IQSEC1: variants seen among roughly 807,000 people sequenced by gnomAD.
IQSEC1 encodes the protein IQ motif and SEC7 domain-containing protein 1.
IQSEC1 carries 31 observed loss-of-function variants against 91.0 expected under a neutral mutation model. The ratio of observed to expected loss-of-function variants is 0.34; its 90% CI spans 0.26 to 0.46. IQSEC1 has a LOEUF of 0.46. IQSEC1 is among the 20% of genes least tolerant of loss of function. IQSEC1 has a pLI of 1.00. For missense variants in IQSEC1, 1,388 were observed against 1,575.6 expected, an observed-to-expected ratio of 0.88 and a Z score of 2.02; for synonymous variants, 699 against 662.6, an observed-to-expected ratio of 1.05 and a Z score of -0.84.
intron 2 of IQSEC1, among the ~76,000 whole-genome samples, chr3:13,096,014 G>C (rs1705949195): frequency 2.0e-5 from 3 of 152,150 alleles, no homozygotes; most frequent in African/African-American, 7.2e-5. Context: ...TTCAATCCTG[G>C]CTCCTGCACA....
At chr3:13,030,804 G>C (rs1703815090) in intron 1 of IQSEC1, among the ~76,000 whole-genome samples, 1 of 152,256 alleles carries the variant, frequency 6.6e-6, no homozygotes, top group East Asian at 1.9e-4. Context: ...AGCATGGAGT[G>C]GGTGGAAGAA....
At chr3:13,003,035 T>TA (rs1702487038) in intron 1 of IQSEC1, among the ~76,000 whole-genome samples, 1 of 152,104 alleles carries the variant, frequency 6.6e-6, no homozygotes, top group South Asian at 2.1e-4. Context: ...CAAATATCCA[T>TA]AGTAGTAGTA....
chr3:13,258,883 C>T (rs1035580193), intron 1 of IQSEC1, among the ~76,000 whole-genome samples: 1 of 152,122 alleles, frequency 6.6e-6, no homozygotes, highest in Non-Finnish European at 1.5e-5. Flanking sequence ...CCCAGGATTC[C>T]ACAGCATCAC....
At chr3:13,171,594 G>A (rs761530352) in intron 1 of IQSEC1, among the ~76,000 whole-genome samples, 3 of 152,114 alleles carry the variant, frequency 2.0e-5, no homozygotes, top group Admixed American at 6.5e-5. Context: ...ATAGGTACCC[G>A]AAGACCTCAG....
intron 7 of IQSEC1, 75 bp from the exon 8 acceptor site, chr3:12,915,208 C>T (rs2125122897): frequency 2.1e-6 from 3 of 1,441,042 alleles, no homozygotes; most frequent in Middle Eastern, 1.7e-4. Context: ...TGCAAGTGCC[C>T]CTCCCTACAC....
At chr3:13,197,504 G>C (rs900337654) in intron 1 of IQSEC1, among the ~76,000 whole-genome samples, 1 of 152,164 alleles carries the variant, frequency 6.6e-6, no homozygotes. Context: ...TCTCCACAAG[G>C]CTACAGGGAC....
Position 12,902,670 on chromosome 3 carries a change from C to CAAAAAAAAAAAAAAA in IQSEC1, c.2805+88_2805+102dup, listed in dbSNP as rs1213830618. 4.4e-4 allele frequency: 85 copies of CAAAAAAAAAAAAAAA among 192,618 alleles called. 2 individuals carry two copies. The highest frequency in any genetic ancestry group is 1.5e-3 in the Middle Eastern group (1 of 676). The allele number at this position is 192,618 out of a possible 1,614,324, so 11.9% of individuals were successfully genotyped here. A position where few individuals can be genotyped will look rare whatever the true frequency, so the allele number is the denominator to read the frequency against. On this transcript the variant is annotated intron_variant, in intron 13 of 13. Coordinates refer to ENST00000613206, the MANE Select transcript of IQSEC1 (RefSeq NM_001134382.3). ...AAAAAAAAAACAACAAAAAAAAAAC[C>CAAAAAAAAAAAAAAA]AAAAAAAAAAAAAAAAAAAAAAAAC...
chr3:13,242,350 T>C (rs967916156), intron 1 of IQSEC1, among the ~76,000 whole-genome samples: 2 of 152,128 alleles, frequency 1.3e-5, no homozygotes, highest in African/African-American at 4.8e-5. Flanking sequence ...CCTTTTGACA[T>C]AGAATTTTCC....
intron 2 of IQSEC1, among the ~76,000 whole-genome samples, chr3:13,101,309 A>C (rs1290566240): frequency 6.6e-6 from 1 of 151,884 alleles, no homozygotes; most frequent in Non-Finnish European, 1.5e-5. Context: ...GTGAAACCCC[A>C]TCTCTACTAA....
chr3:13,199,333 C>T (rs945558114), intron 1 of IQSEC1, among the ~76,000 whole-genome samples: 2 of 152,228 alleles, frequency 1.3e-5, no homozygotes, highest in Non-Finnish European at 2.9e-5. Context: ...ACTCTGGCTC[C>T]AATTGTTGTG....
intron 1 of IQSEC1, among the ~76,000 whole-genome samples, chr3:13,206,146 C>G (rs1444543435): frequency 6.6e-6 from 1 of 151,432 alleles, no homozygotes; most frequent in East Asian, 2.0e-4. Flanking sequence ...TCCCTCCATC[C>G]ACCTATCCAT....
rs187633362 is a variant in IQSEC1, at chr3:13,001,995, G to T, written c.24-60130C>A. On this transcript the variant is annotated intron_variant, in intron 1 of 13. Coordinates refer to ENST00000613206, the MANE Select transcript of IQSEC1 (RefSeq NM_001134382.3). Reference sequence around the variant, plus strand: ...AATCACTTGAACCCGGAGGCAGGGTGGGGGGTGGCAGAGGTTGCAGTGAGC... The same window carrying T: ...AATCACTTGAACCCGGAGGCAGGGTTGGGGGTGGCAGAGGTTGCAGTGAGC... Among the ~76,000 whole-genome samples the T allele has an allele frequency of 8.5e-5, 13 of 152,196 alleles. No individual in the cohort carries two copies. In the East Asian group the frequency reaches 2.3e-3, roughly 27 times the overall value.
intron 1 of IQSEC1, among the ~76,000 whole-genome samples, chr3:13,226,589 C>CAA (rs59319538): frequency 9.6e-4 from 138 of 144,396 alleles, no homozygotes; most frequent in African/African-American, 2.6e-3. Flanking sequence ...CCATCTCTAC[C>CAA]AAAAAAAAAA....
At chr3:13,279,055 C>G (rs748669745) in intron 1 of IQSEC1, among the ~76,000 whole-genome samples, 1 of 152,162 alleles carries the variant, frequency 6.6e-6, no homozygotes, top group Non-Finnish European at 1.5e-5. Flanking sequence ...GGCAGGCACA[C>G]AGGAAGCCCC....
intron 2 of IQSEC1, among the ~76,000 whole-genome samples, chr3:13,121,898 C>T (rs969204072): frequency 5.3e-5 from 8 of 152,190 alleles, no homozygotes; most frequent in Admixed American, 3.3e-4. Flanking sequence ...CCCCTGGGCT[C>T]GGGGACGGCC....
intron 1 of IQSEC1, among the ~76,000 whole-genome samples, chr3:13,228,264 G>A (rs779352133): frequency 6.6e-6 from 1 of 152,092 alleles, no homozygotes; most frequent in Non-Finnish European, 1.5e-5. Flanking sequence ...TACTAAGAAC[G>A]TGCCAGAAGC....
chr3:13,190,040 G>A (rs1484845243), intron 1 of IQSEC1, among the ~76,000 whole-genome samples: 4 of 152,174 alleles, frequency 2.6e-5, no homozygotes, highest in Non-Finnish European at 4.4e-5. Context: ...CCTGGGTCTG[G>A]TACCTGCCAC....
chr3:12,918,972 G>A (rs999906195), intron 6 of IQSEC1, among the ~76,000 whole-genome samples: 2 of 152,250 alleles, frequency 1.3e-5, no homozygotes, highest in South Asian at 2.1e-4. Flanking sequence ...ATAGCATGCA[G>A]CACACAGCTG....
intron 1 of IQSEC1, among the ~76,000 whole-genome samples, chr3:13,175,760 G>A (rs538674464): frequency 8.6e-4 from 131 of 152,350 alleles, no homozygotes; most frequent in African/African-American, 3.0e-3. Context: ...CCACTTGTCC[G>A]GTTCACAGAT....
Sources: gnomAD v4.1 joint callset for allele counts (sites outside exome capture counted in the v4.1 genomes callset) on GRCh38, gnomAD v4.1.1 for gene constraint, MANE v1.5 for transcripts, NCBI Gene and HGNC (gene_info 2026-07-23, HGNC 2026-07-21) for gene names.